The following RAB3GAP2 variants were observed in gnomAD, a reference collection of about 807,000 sequenced individuals.
The protein encoded by RAB3GAP2 is rab3 GTPase-activating protein non-catalytic subunit.
In RAB3GAP2, 87 loss-of-function variants were observed where a neutral mutation model predicts 185.3. That is an observed-to-expected ratio of 0.47 (90% confidence interval 0.39 to 0.56). The LOEUF is 0.56. Ranked by LOEUF, RAB3GAP2 falls within the 20% of genes least tolerant of loss-of-function variation. The pLI is 0.00. For missense variants in RAB3GAP2, 1,492 were observed against 1,638.2 expected (o/e 0.91, Z 1.54); for synonymous variants, 554 against 576.1 (o/e 0.96, Z 0.55).
At chr1:220,227,660 C>T (rs1397158371) in intron 2 of RAB3GAP2, among the ~76,000 whole-genome samples, 4 of 152,160 alleles carry the variant, frequency 2.6e-5, no homozygotes, top group African/African-American at 4.8e-5. Flanking sequence ...CCGTAACACC[C>T]GACTAATGCA....
intron 9 of RAB3GAP2, among the ~76,000 whole-genome samples, chr1:220,201,537 T>C (rs1456131673): frequency 6.6e-6 from 1 of 152,148 alleles, no homozygotes; most frequent in Non-Finnish European, 1.5e-5. Context: ...TCTCGCTCTG[T>C]CACCCAGGCT....
Position 220,253,193 on chromosome 1 carries a change from C to T in RAB3GAP2, c.115+19030G>A, listed in dbSNP as rs575095227. ...GGGGTGGGACCCTGATACCATTCCT[C>T]CTCACTGGGTGGGACCTCCCAACAG... On this transcript the variant is annotated intron_variant, in intron 1 of 34. Transcript: ENST00000358951. Among the ~76,000 whole-genome samples, 10 of 152,358 alleles carry T rather than the reference C, an allele frequency of 6.6e-5. 1 individual carries two copies. In the East Asian group the frequency reaches 1.4e-3, roughly 21 times the overall value.
In RAB3GAP2 at chr1:220,150,111, T is replaced by C. The variant is rs1657720014; in HGVS notation, c.*1140A>G. 6.7e-6 allele frequency: 1 copy of C among 150,086 alleles called. No homozygotes were observed. Among genetic ancestry groups the C allele is most frequent in the Admixed American group, 6.6e-5 (1 of 15,130 alleles). The allele number at this position is 150,086 out of a possible 1,614,324, so 9.3% of individuals were successfully genotyped here. ...TTTGGTTAGTTTGGTTTTTTCTTTT[T>C]TTTTTTTTTTTCGAGACAGGGTCTT... On this transcript the variant is annotated 3_prime_UTR_variant, in exon 35 of 35. Transcript: ENST00000358951.
At chr1:220,231,512 A>G (rs1248193638) in intron 2 of RAB3GAP2, among the ~76,000 whole-genome samples, 2 of 152,008 alleles carry the variant, frequency 1.3e-5, no homozygotes, top group Admixed American at 6.6e-5. Flanking sequence ...CCTATCTAAT[A>G]TTCATTCTTC....
chr1:220,245,638 G>A (rs987666471), intron 1 of RAB3GAP2, among the ~76,000 whole-genome samples: 41 of 151,840 alleles, frequency 2.7e-4, no homozygotes, highest in Admixed American at 7.9e-4. Flanking sequence ...CAAAGCAGCC[G>A]GGAAGCCCCA....
chr1:220,263,382 T>C (rs1015059510), intron 1 of RAB3GAP2, among the ~76,000 whole-genome samples: 20 of 152,146 alleles, frequency 1.3e-4, no homozygotes, highest in African/African-American at 4.3e-4. Flanking sequence ...TCCAATGTCA[T>C]GAAGCTTTTC....
chr1:220,263,962 A>T (rs887174687), intron 1 of RAB3GAP2, among the ~76,000 whole-genome samples: 1 of 152,080 alleles, frequency 6.6e-6, no homozygotes, highest in Non-Finnish European at 1.5e-5. Flanking sequence ...TGTACATTTA[A>T]ACATAAAACT....
intron 1 of RAB3GAP2, 56 bp from the exon 2 acceptor site, chr1:220,232,919 T>C: frequency 2.0e-6 from 3 of 1,482,712 alleles, no homozygotes; most frequent in Non-Finnish European, 2.8e-6. Flanking sequence ...TAAATATCTT[T>C]AAAGCATTTT....
chr1:220,178,293 T>G (rs531447730), intron 21 of RAB3GAP2, among the ~76,000 whole-genome samples: 8 of 152,248 alleles, frequency 5.3e-5, no homozygotes, highest in Admixed American at 1.3e-4. Flanking sequence ...ATAAGAAATG[T>G]GTGATTTCTT....
chr1:220,176,475 T>C (rs1658291696), intron 21 of RAB3GAP2, among the ~76,000 whole-genome samples: 1 of 152,114 alleles, frequency 6.6e-6, no homozygotes, highest in Non-Finnish European at 1.5e-5. Context: ...CTTGGCTACT[T>C]CCCTGTTTGC....
chr1:220,262,810 C>T (rs77154350), intron 1 of RAB3GAP2, among the ~76,000 whole-genome samples: 1 of 152,188 alleles, frequency 6.6e-6, no homozygotes, highest in Non-Finnish European at 1.5e-5. Context: ...GCTTTCAATT[C>T]TGCTGTATAT....
intron 1 of RAB3GAP2, among the ~76,000 whole-genome samples, chr1:220,249,965 C>T (rs1481408734): frequency 1.3e-5 from 2 of 152,128 alleles, no homozygotes; most frequent in Non-Finnish European, 2.9e-5. Context: ...GGGGCAGAAC[C>T]CTAATGGAGA....
At chr1:220,201,853 A>T (rs1003229364) in intron 9 of RAB3GAP2, among the ~76,000 whole-genome samples, 1 of 152,098 alleles carries the variant, frequency 6.6e-6, no homozygotes, top group African/African-American at 2.4e-5. Flanking sequence ...CAGATGTCTC[A>T]CTAAAGGCAA....
chr1:220,271,705 T>TG (rs1199403693), intron 1 of RAB3GAP2, among the ~76,000 whole-genome samples: 3 of 151,366 alleles, frequency 2.0e-5, no homozygotes, highest in Non-Finnish European at 4.4e-5. Flanking sequence ...AGGGAGAGTG[T>TG]GGGGGGATGA....
chr1:220,263,396 T>A (rs1386712640), intron 1 of RAB3GAP2, among the ~76,000 whole-genome samples: 10 of 152,124 alleles, frequency 6.6e-5, no homozygotes, highest in African/African-American at 9.6e-5. Context: ...GCTTTTCTCC[T>A]ATGTTTTATT....
chr1:220,260,967 C>G (rs1660125246), intron 1 of RAB3GAP2, among the ~76,000 whole-genome samples: 1 of 151,970 alleles, frequency 6.6e-6, no homozygotes, highest in African/African-American at 2.4e-5. Context: ...CCATATGTAG[C>G]TAGTGGCTAC....
intron 12 of RAB3GAP2, among the ~76,000 whole-genome samples, chr1:220,193,740 C>T (rs1658669185): frequency 6.6e-6 from 1 of 151,860 alleles, no homozygotes. Flanking sequence ...ATTTTAAATT[C>T]TTCTTCTTAA....
chr1:220,239,231 T>A (rs1447983388), intron 1 of RAB3GAP2, among the ~76,000 whole-genome samples: 1 of 152,174 alleles, frequency 6.6e-6, no homozygotes, highest in East Asian at 1.9e-4. Flanking sequence ...CAACTTTTTT[T>A]TTGTGGGGCT....
At chr1:220,267,488 A>G in intron 1 of RAB3GAP2, 1 of 1,405,004 alleles carries the variant, frequency 7.1e-7, no homozygotes, top group Non-Finnish European at 1.0e-6. Context: ...ACATTACCAA[A>G]CTTTCCTTTA....
Sources: gnomAD v4.1 joint callset for allele counts (sites outside exome capture counted in the v4.1 genomes callset) on GRCh38, gnomAD v4.1.1 for gene constraint, MANE v1.5 for transcripts, NCBI Gene and HGNC (gene_info 2026-07-23, HGNC 2026-07-21) for gene names.